Variants in NXPH1 observed in about 807,000 individuals in gnomAD.
The protein encoded by NXPH1 is neurexophilin-1.
Under a neutral mutation model 23.7 loss-of-function variants are expected in NXPH1, and 5 were observed. That is an observed-to-expected ratio of 0.21 (90% CI 0.11 to 0.44). The LOEUF is 0.44. Ranked by LOEUF, NXPH1 falls within the 20% of genes least tolerant of loss-of-function variation. The pLI is 0.99. For missense variants in NXPH1, 324 were observed against 321.6 expected, an observed-to-expected ratio of 1.01 and a Z score of -0.06; for synonymous variants, 144 against 122.2, an observed-to-expected ratio of 1.18 and a Z score of -1.18.
chr7:8,737,253 T>C (rs1293778064), intron 2 of NXPH1, among the ~76,000 whole-genome samples: 1 of 152,228 alleles, frequency 6.6e-6, no homozygotes, highest in Non-Finnish European at 1.5e-5. Flanking sequence ...TGGTATGTTT[T>C]TGCAATGGCT....
chr7:8,692,562 G>A (rs1821238703), intron 2 of NXPH1, among the ~76,000 whole-genome samples: 1 of 152,178 alleles, frequency 6.6e-6, no homozygotes, highest in African/African-American at 2.4e-5. Context: ...ATGTGCTCTA[G>A]CTATACTACT....
chr7:8,462,343 G>A (rs986211555), intron 2 of NXPH1, among the ~76,000 whole-genome samples: 1 of 152,140 alleles, frequency 6.6e-6, no homozygotes, highest in Non-Finnish European at 1.5e-5. Context: ...CACTGCACCC[G>A]ACCTTGTATT....
intron 2 of NXPH1, among the ~76,000 whole-genome samples, chr7:8,587,221 A>G (rs906718303): frequency 8.6e-5 from 13 of 151,928 alleles, no homozygotes. Context: ...TTTATTTTAA[A>G]TTTCCTGGGT....
chr7:8,516,239 T>A (rs1245945914), intron 2 of NXPH1, among the ~76,000 whole-genome samples: 1 of 152,102 alleles, frequency 6.6e-6, no homozygotes, highest in Non-Finnish European at 1.5e-5. Context: ...CTACTATATC[T>A]CTTTCCTCCC....
Position 8,483,965 on chromosome 7 carries a change from C to CTTTTTTTTTTTTT in NXPH1, c.54+48203_54+48215dup, listed in dbSNP as rs60436502. Among the ~76,000 whole-genome samples the CTTTTTTTTTTTTT allele has an allele frequency of 2.6e-3, 350 of 132,232 alleles. 16 individuals carry two copies. Among genetic ancestry groups the CTTTTTTTTTTTTT allele is most frequent in the African/African-American group, 0.01 (329 of 31,962 alleles). The allele number at this position is 132,232 out of a possible 152,430, so 86.7% of individuals were successfully genotyped here. Reference sequence around the variant, plus strand: ...CTAGAATAAATAACACTCCCCCCACCTTTTTTTTTTTTTTTTTAAGAAGTA... The same window carrying CTTTTTTTTTTTTT: ...CTAGAATAAATAACACTCCCCCCACCTTTTTTTTTTTTTTTTTTTTTTTTTTTTTTAAGAAGTA... On this transcript the variant is annotated intron_variant, in intron 2 of 2. Transcript: ENST00000405863.
intron 2 of NXPH1, among the ~76,000 whole-genome samples, chr7:8,511,329 C>T (rs2128613993): frequency 6.6e-6 from 1 of 152,204 alleles, no homozygotes; most frequent in Non-Finnish European, 1.5e-5. Flanking sequence ...ACTCTTGGGA[C>T]AGAGGCTGCC....
At chr7:8,732,859 T>G (rs533116624) in intron 2 of NXPH1, among the ~76,000 whole-genome samples, 29 of 152,298 alleles carry the variant, frequency 1.9e-4, no homozygotes, top group African/African-American at 6.3e-4. Context: ...TTGGGCTTCA[T>G]GAAATTTATA....
At chr7:8,502,330 C>T (rs1009124033) in intron 2 of NXPH1, among the ~76,000 whole-genome samples, 10 of 151,922 alleles carry the variant, frequency 6.6e-5, no homozygotes, top group African/African-American at 2.4e-4. Flanking sequence ...ATCAAGGGAA[C>T]ATTTTGATGA....
intron 2 of NXPH1, among the ~76,000 whole-genome samples, chr7:8,491,643 A>T (rs75325567): frequency 0.017 from 2,581 of 152,116 alleles, 72 homozygotes; most frequent in African/African-American, 0.059. Flanking sequence ...AGAAAGGGCT[A>T]TCGTTTAGGC....
intron 2 of NXPH1, among the ~76,000 whole-genome samples, chr7:8,598,930 G>C (rs1328724594): frequency 6.6e-6 from 1 of 152,086 alleles, no homozygotes; most frequent in African/African-American, 2.4e-5. Flanking sequence ...AATCAGCAAA[G>C]TGTCTCTTTG....
At chr7:8,672,476 A>G (rs1469160819) in intron 2 of NXPH1, among the ~76,000 whole-genome samples, 1 of 146,880 alleles carries the variant, frequency 6.8e-6, no homozygotes, top group Non-Finnish European at 1.5e-5. Context: ...ATAATAATAA[A>G]AAAAGATTAA....
chr7:8,583,186 A>G (rs1173806084), intron 2 of NXPH1, among the ~76,000 whole-genome samples: 1 of 152,184 alleles, frequency 6.6e-6, no homozygotes, highest in East Asian at 1.9e-4. Flanking sequence ...CCTGACTTCT[A>G]AATTGTCTGC....
chr7:8,471,624 C>T (rs886593518), intron 2 of NXPH1, among the ~76,000 whole-genome samples: 3 of 152,072 alleles, frequency 2.0e-5, no homozygotes, highest in African/African-American at 7.2e-5. Context: ...TCATCCATGG[C>T]CTTCAACTAA....
In NXPH1 at chr7:8,678,928, A is replaced by ATTTTTTT. The variant is rs540056222; in HGVS notation, c.55-72051_55-72045dup. 5.1e-3 allele frequency among the ~76,000 whole-genome samples: 352 copies of ATTTTTTT among 68,786 alleles called. 38 individuals are homozygous for ATTTTTTT. Among genetic ancestry groups the ATTTTTTT allele is most frequent in the African/African-American group, 7.1e-3 (96 of 13,554 alleles). The allele number at this position is 68,786 out of a possible 152,430, so 45.1% of individuals were successfully genotyped here. On this transcript the variant is annotated intron_variant, in intron 2 of 2. Transcript: ENST00000405863. ...TCTAGATTTATCTTTGCTTTATCCA[A>ATTTTTTT]TTTTTTTTTTTTTTTTTTTTTTTTT...
chr7:8,625,377 A>T (rs1819965363), intron 2 of NXPH1, among the ~76,000 whole-genome samples: 1 of 152,140 alleles, frequency 6.6e-6, no homozygotes, highest in Non-Finnish European at 1.5e-5. Flanking sequence ...TCAAATTCTG[A>T]AACTTTACTC....
intron 2 of NXPH1, among the ~76,000 whole-genome samples, chr7:8,513,624 C>G (rs1367120566): frequency 1.3e-5 from 2 of 152,038 alleles, no homozygotes; most frequent in Non-Finnish European, 2.9e-5. Flanking sequence ...TAGCTACCAA[C>G]ATTGCATTAT....
chr7:8,665,079 T>TA (rs35403300), intron 2 of NXPH1, among the ~76,000 whole-genome samples: 96,044 of 151,472 alleles, frequency 0.63, 31,350 homozygotes, highest in Middle Eastern at 0.76. Flanking sequence ...TGGGGTCATA[T>TA]AAAAAAAATC....
intron 2 of NXPH1, among the ~76,000 whole-genome samples, chr7:8,732,277 T>C (rs61401638): frequency 0.3 from 46,264 of 152,142 alleles, 7,939 homozygotes; most frequent in African/African-American, 0.46. Context: ...GTACCTCAGA[T>C]GGAAATGCAG....
intron 2 of NXPH1, among the ~76,000 whole-genome samples, chr7:8,545,645 A>G (rs1374383189): frequency 6.6e-6 from 1 of 151,554 alleles, no homozygotes; most frequent in African/African-American, 2.4e-5. Flanking sequence ...AGTTAGGTCA[A>G]TTAGTGGTTT....
Sources: allele counts gnomAD v4.1 joint callset (sites outside exome capture counted in the v4.1 genomes callset), GRCh38; gene constraint gnomAD v4.1.1; transcripts MANE v1.5; gene names NCBI Gene and HGNC (gene_info 2026-07-23, HGNC 2026-07-21).